RERE: variants seen among roughly 807,000 people sequenced by gnomAD.
RERE encodes arginine-glutamic acid dipeptide repeats, also known as arginine-glutamic acid dipeptide repeats protein.
Under a neutral mutation model 146.1 loss-of-function variants are expected in RERE, and 40 were observed. The observed-to-expected ratio is 0.27, with a 90% confidence interval of 0.21 to 0.36. RERE has a LOEUF of 0.36. Ranked by LOEUF, RERE falls within the 10% of genes least tolerant of loss-of-function variation. RERE has a pLI of 1.00. For missense variants in RERE, 1,933 were observed against 2,138.7 expected (o/e 0.90, Z 1.90); for synonymous variants, 1,003 against 866.0 (o/e 1.16, Z -2.78).
At chr1:8,429,071 C>T (rs1357562956) in intron 11 of RERE, among the ~76,000 whole-genome samples, 1 of 152,136 alleles carries the variant, frequency 6.6e-6, no homozygotes, top group Non-Finnish European at 1.5e-5. Context: ...GAAACACCAC[C>T]CTAGAACAAT....
chr1:8,399,975 G>A (rs1295587730), intron 12 of RERE, among the ~76,000 whole-genome samples: 1 of 151,642 alleles, frequency 6.6e-6, no homozygotes, highest in African/African-American at 2.4e-5. Context: ...TGATCTTCCT[G>A]CCTCAGTCTC....
intron 4 of RERE, among the ~76,000 whole-genome samples, chr1:8,606,887 A>C (rs1436152466): frequency 6.6e-6 from 1 of 152,228 alleles, no homozygotes; most frequent in African/African-American, 2.4e-5. Flanking sequence ...GTAAAACATG[A>C]GATCAAAGAT....
At chr1:8,655,755 C>G (rs992171343) in intron 2 of RERE, among the ~76,000 whole-genome samples, 11 of 151,908 alleles carry the variant, frequency 7.2e-5, no homozygotes, top group African/African-American at 2.4e-4. Context: ...CTCATGAATG[C>G]ATAAACCAGG....
chr1:8,614,088 T>C (rs2124192018), intron 4 of RERE, among the ~76,000 whole-genome samples: 1 of 152,260 alleles, frequency 6.6e-6, no homozygotes, highest in Non-Finnish European at 1.5e-5. Flanking sequence ...GGGCATATTC[T>C]GCATCTAGCA....
chr1:8,762,769 A>C (rs1298835055), intron 1 of RERE, among the ~76,000 whole-genome samples: 1 of 152,186 alleles, frequency 6.6e-6, no homozygotes, highest in Non-Finnish European at 1.5e-5. Flanking sequence ...CTTCTTCTCC[A>C]AACATTGATG....
At chr1:8,558,661 A>G (rs1646035441) in intron 4 of RERE, among the ~76,000 whole-genome samples, 1 of 152,206 alleles carries the variant, frequency 6.6e-6, no homozygotes, top group African/African-American at 2.4e-5. Context: ...AGCCAACACT[A>G]AAACACCAGG....
rs267598736 is a variant in RERE at position 8,364,251 on chromosome 1, G to A, written c.1545C>T (p.Ser515=). 6.2e-7 allele frequency: 1 copy of A among 1,614,120 alleles called. No individual in the cohort carries two copies. Among genetic ancestry groups the A allele is most frequent in the Non-Finnish European group, 8.5e-7 (1 of 1,180,000 alleles). ...YACRHCFTTT[S]KDWHHGGREN... is the part of the protein sequence containing the mutation. ...CCCGGCCTCCGTGGTGCCAATCTTTGGAGGCTGTGTGAGGGAAGTGGTGGG... is the reference window on the plus strand; with the variant it reads ...CCCGGCCTCCGTGGTGCCAATCTTTAGAGGCTGTGTGAGGGAAGTGGTGGG... Residue 515 remains serine (S), a synonymous_variant, in exon 15 of 23, where the codon TCC becomes TCT. Coordinates refer to ENST00000400908, the MANE Select transcript of RERE (RefSeq NM_001042681.2). The surrounding 1 kb of genome is among the most constrained non-coding windows in gnomAD (Gnocchi z 5.1).
intron 8 of RERE, among the ~76,000 whole-genome samples, chr1:8,502,509 C>G (rs9725920): frequency 0.8 from 79,753 of 99,110 alleles, 32,409 homozygotes; most frequent in East Asian, 0.92. Flanking sequence ...TCCGGGAGGT[C>G]AGGGGCGCTT....
intron 1 of RERE, among the ~76,000 whole-genome samples, chr1:8,805,008 G>GTTTTTTTTTTTTTT (rs1186832596): frequency 1.3e-5 from 1 of 77,834 alleles, no homozygotes; most frequent in Non-Finnish European, 2.4e-5. Flanking sequence ...TTTGTTTTTG[G>GTTTTTTTTTTTTTT]TTTTTTTTTT....
At chr1:8,641,867 G>C (rs1487034364) in intron 2 of RERE, among the ~76,000 whole-genome samples, 13 of 152,098 alleles carry the variant, frequency 8.5e-5, no homozygotes, top group Admixed American at 8.5e-4. Context: ...TCCCCTTTTG[G>C]AGTTTTGATA....
intron 12 of RERE, among the ~76,000 whole-genome samples, chr1:8,372,025 A>C (rs1458839994): frequency 6.6e-6 from 1 of 152,216 alleles, no homozygotes; most frequent in Non-Finnish European, 1.5e-5. Context: ...AATTTCCCAC[A>C]GGCAGTGGAA....
chr1:8,735,525 C>G (rs774821566), intron 1 of RERE, among the ~76,000 whole-genome samples: 2 of 152,170 alleles, frequency 1.3e-5, no homozygotes, highest in African/African-American at 4.8e-5. Context: ...TCAGTCCATA[C>G]AAAGTGCCTC....
At chr1:8,744,227 C>G (rs1319071228) in intron 1 of RERE, among the ~76,000 whole-genome samples, 1 of 152,194 alleles carries the variant, frequency 6.6e-6, no homozygotes, top group Non-Finnish European at 1.5e-5. Context: ...AAGGCTGCCC[C>G]TGGGTGCTCA....
intron 6 of RERE, among the ~76,000 whole-genome samples, chr1:8,552,996 G>A (rs553588958): frequency 2.6e-5 from 4 of 151,068 alleles, no homozygotes; most frequent in South Asian, 4.2e-4. Flanking sequence ...AGGCCAGCTC[G>A]TCCACACACA....
intron 8 of RERE, among the ~76,000 whole-genome samples, chr1:8,500,423 G>T (rs1008025566): frequency 6.6e-6 from 1 of 152,250 alleles, no homozygotes; most frequent in African/African-American, 2.4e-5. Flanking sequence ...GTGTTGGCCG[G>T]GCTGGTCTCA....
At chr1:8,499,820 TA>T (rs756766542) in intron 8 of RERE, among the ~76,000 whole-genome samples, 10 of 152,190 alleles carry the variant, frequency 6.6e-5, no homozygotes, top group Non-Finnish European at 1.0e-4. Context: ...AATAGTGGGA[TA>T]AAATTAAAAC....
intron 10 of RERE, among the ~76,000 whole-genome samples, chr1:8,485,453 C>G (rs1224431559): frequency 6.6e-6 from 1 of 151,950 alleles, no homozygotes; most frequent in Non-Finnish European, 1.5e-5. Context: ...AAAGGCAGAG[C>G]TTGCCAAACT....
intron 2 of RERE, among the ~76,000 whole-genome samples, chr1:8,645,532 G>A (rs762649977): frequency 2.0e-4 from 31 of 152,236 alleles, no homozygotes; most frequent in African/African-American, 5.3e-4. Context: ...AAATCTAAAC[G>A]TGTGTTTAAA....
intron 4 of RERE, among the ~76,000 whole-genome samples, chr1:8,585,339 T>C (rs1242091088): frequency 1.3e-5 from 2 of 152,124 alleles, no homozygotes; most frequent in Non-Finnish European, 2.9e-5. Flanking sequence ...TCATATATAA[T>C]ATTTCCCAGC....
Sources: allele counts gnomAD v4.1 joint callset (sites outside exome capture counted in the v4.1 genomes callset), GRCh38; gene constraint gnomAD v4.1.1; non-coding constraint Gnocchi (gnomAD v3.1); transcripts MANE v1.5; gene names NCBI Gene and HGNC (gene_info 2026-07-23, HGNC 2026-07-21).